RSU1: variants seen among roughly 807,000 people sequenced by gnomAD.
The protein encoded by RSU1 is Ras suppressor protein 1, also known as rsu-1.
RSU1 carries 26 observed loss-of-function variants against 31.1 expected under a neutral mutation model. The observed-to-expected ratio is 0.84, with a 90% CI of 0.61 to 1.16. RSU1 has a LOEUF of 1.16. Among genes scored for constraint, RSU1 ranks in the 50% most tolerant of loss-of-function variants. The probability of loss-of-function intolerance (pLI) is 0.00; values close to 1 mark genes in which losing one functional copy is unlikely to be tolerated. For missense variants in RSU1, 320 were observed against 339.1 expected, an observed-to-expected ratio of 0.94 and a Z score of 0.44; for synonymous variants, 164 against 136.3, an observed-to-expected ratio of 1.20 and a Z score of -1.41.
At chr10:16,788,369 T>C (rs901919311) in intron 2 of RSU1, among the ~76,000 whole-genome samples, 5 of 152,106 alleles carry the variant, frequency 3.3e-5, no homozygotes, top group African/African-American at 1.2e-4. Flanking sequence ...TGTATGGTAT[T>C]GGGAGGCGGG....
chr10:16,784,140 A>G (rs61843968), intron 2 of RSU1, among the ~76,000 whole-genome samples: 17,487 of 149,616 alleles, frequency 0.12, 1,455 homozygotes, highest in East Asian at 0.23. Context: ...GGGGTGCAGT[A>G]GTGCAATTAC....
chr10:16,616,537 CAA>C (rs1179748383), intron 8 of RSU1, among the ~76,000 whole-genome samples: 2 of 152,030 alleles, frequency 1.3e-5, no homozygotes, highest in African/African-American at 4.8e-5. Context: ...ATGCTAATAC[CAA>C]AAACTGTCAG....
intron 8 of RSU1, among the ~76,000 whole-genome samples, chr10:16,594,474 A>G (rs1025829156): frequency 4.0e-5 from 6 of 149,748 alleles, no homozygotes; most frequent in African/African-American, 1.2e-4. Context: ...AGGGCAGTGT[A>G]TGATCATAGC....
intron 7 of RSU1, among the ~76,000 whole-genome samples, chr10:16,697,686 AAT>A (rs1835706637): frequency 3.9e-5 from 6 of 152,158 alleles, no homozygotes; most frequent in Admixed American, 3.9e-4. Flanking sequence ...AAAAAGAAAA[AAT>A]ATGTGTATTG....
chr10:16,815,559 C>T (rs555038103), intron 2 of RSU1, among the ~76,000 whole-genome samples: 1 of 152,248 alleles, frequency 6.6e-6, no homozygotes, highest in African/African-American at 2.4e-5. Flanking sequence ...TTTCTTCATT[C>T]CTCAACTATT....
intron 8 of RSU1, among the ~76,000 whole-genome samples, chr10:16,653,558 A>C (rs996718083): frequency 6.6e-6 from 1 of 152,096 alleles, no homozygotes; most frequent in African/African-American, 2.4e-5. Flanking sequence ...TTAAATATTC[A>C]TTCACTCCTT....
At chr10:16,668,605 T>C (rs772107575) in intron 8 of RSU1, among the ~76,000 whole-genome samples, 2 of 152,168 alleles carry the variant, frequency 1.3e-5, no homozygotes, top group Non-Finnish European at 2.9e-5. Flanking sequence ...AACATGGTTT[T>C]TTTTCCCCCC....
rs199754636 is a variant in RSU1 at position 16,594,790 on chromosome 10, T to TA, written c.732-1295_732-1294insT. On this transcript the variant is annotated intron_variant, in intron 8 of 8. Coordinates refer to ENST00000345264, the MANE Select transcript of RSU1 (RefSeq NM_012425.4). ...CTATTATATATCATATATATATATATTTTTTTTTTTTTGAGATGGAGTCCT... is the reference window on the plus strand; with the variant it reads ...CTATTATATATCATATATATATATATATTTTTTTTTTTTGAGATGGAGTCCT... 9.8e-3 allele frequency among the ~76,000 whole-genome samples: 1,227 copies of TA among 124,832 alleles called. 18 individuals carry two copies. The highest frequency in any genetic ancestry group is 0.04 in the African/African-American group (990 of 24,780). The allele number at this position is 124,832 out of a possible 152,430, so 81.9% of individuals were successfully genotyped here. A position where few individuals can be genotyped will look rare whatever the true frequency, so the allele number is the denominator to read the frequency against.
chr10:16,803,456 G>T (rs1017539975), intron 2 of RSU1, among the ~76,000 whole-genome samples: 19 of 152,108 alleles, frequency 1.2e-4, no homozygotes, highest in Admixed American at 9.2e-4. Context: ...ATCAATTCCA[G>T]TCAAAATACC....
chr10:16,781,908 G>A (rs1303581944), intron 3 of RSU1, 126 bp downstream of exon 3: 1 of 782,114 alleles, frequency 1.3e-6, no homozygotes, highest in Non-Finnish European at 2.1e-6. Context: ...TGTCACCAAA[G>A]TAAACTAAGG....
rs147759970 is a variant in RSU1 at position 16,630,868 on chromosome 10, A to G, written c.732-37372T>C. 3.3e-5 allele frequency among the ~76,000 whole-genome samples: 5 copies of G among 152,334 alleles called. No individual in the cohort carries two copies. The East Asian group carries it at 9.6e-4, about 29-fold the overall frequency. On this transcript the variant is annotated intron_variant, in intron 8 of 8. Transcript: ENST00000345264. ...GCCAGTCTTTTTGCTTTACATAGAA[A>G]TAGCCAAGCTCAATCCCCTCTCTAA...
intron 8 of RSU1, among the ~76,000 whole-genome samples, chr10:16,616,305 A>G (rs570320337): frequency 9.7e-4 from 147 of 151,412 alleles, no homozygotes; most frequent in African/African-American, 3.4e-3. Context: ...AGCAGGAAGA[A>G]GCCAAATCTC....
Position 16,707,785 on chromosome 10 carries a change from C to G in RSU1, c.599-12630G>C, listed in dbSNP as rs546161939. ...GCTTTTGAAGTCTTGTTTAAAAAAC[C>G]CTTCTCCAGGTCAATGCTGTGAAAA... On this transcript the variant is annotated intron_variant, in intron 7 of 8. Coordinates refer to ENST00000345264, the MANE Select transcript of RSU1 (RefSeq NM_012425.4). 1.4e-4 allele frequency among the ~76,000 whole-genome samples: 21 copies of G among 152,122 alleles called. No homozygotes were observed. In the South Asian group the frequency reaches 4.4e-3, roughly 32 times the overall value.
chr10:16,618,129 T>C (rs1215149201), intron 8 of RSU1, among the ~76,000 whole-genome samples: 1 of 152,130 alleles, frequency 6.6e-6, no homozygotes, highest in Non-Finnish European at 1.5e-5. Flanking sequence ...CTTAAGTAAA[T>C]TTACAAGAAG....
At chr10:16,683,520 T>C (rs1835377049) in intron 8 of RSU1, among the ~76,000 whole-genome samples, 1 of 152,168 alleles carries the variant, frequency 6.6e-6, no homozygotes, top group Non-Finnish European at 1.5e-5. Context: ...TACTTTTGAT[T>C]GATGTTGTTT....
intron 2 of RSU1, among the ~76,000 whole-genome samples, chr10:16,801,356 T>C (rs1564362966): frequency 1.3e-5 from 2 of 152,146 alleles, no homozygotes; most frequent in Non-Finnish European, 2.9e-5. Flanking sequence ...ATCCTTAATG[T>C]GAATGTATCT....
chr10:16,637,012 AAATG>A (rs1261185801), intron 8 of RSU1, among the ~76,000 whole-genome samples: 2 of 152,258 alleles, frequency 1.3e-5, no homozygotes, highest in Non-Finnish European at 2.9e-5. Context: ...TTGGCTGAAT[AAATG>A]AATGAATAAT....
intron 4 of RSU1, 47 bp downstream of exon 4, chr10:16,764,343 C>G: frequency 6.5e-7 from 1 of 1,550,290 alleles, no homozygotes; most frequent in South Asian, 1.3e-5. Context: ...CCGGCATGCC[C>G]CTTCCACTCT....
At chr10:16,669,381 C>T (rs989055400) in intron 8 of RSU1, among the ~76,000 whole-genome samples, 2 of 151,786 alleles carry the variant, frequency 1.3e-5, no homozygotes, top group South Asian at 2.1e-4. Context: ...TTTCCCCCCC[C>T]AAAGCACCAT....
Sources: allele counts gnomAD v4.1 joint callset (sites outside exome capture counted in the v4.1 genomes callset), GRCh38; gene constraint gnomAD v4.1.1; transcripts MANE v1.5; gene names NCBI Gene and HGNC (gene_info 2026-07-23, HGNC 2026-07-21).